Variants in CTNND2 observed in about 807,000 individuals in gnomAD.
CTNND2 encodes the protein catenin delta-2.
CTNND2 carries 22 observed loss-of-function variants against 144.4 expected under a neutral mutation model. The observed-to-expected ratio is 0.15, with a 90% CI of 0.11 to 0.22. The LOEUF (loss-of-function observed/expected upper bound fraction) is 0.22, where lower values mean the gene tolerates loss of function less well. Among genes scored for constraint, CTNND2 ranks in the 10% least tolerant of loss-of-function variants. The pLI is 1.00. For synonymous variants in CTNND2, 751 were observed against 695.6 expected (o/e 1.08, Z -1.25); for missense variants, 1,353 against 1,618.8 (o/e 0.84, Z 2.82).
At chr5:11,571,520 C>T (rs1211690189) in intron 2 of CTNND2, among the ~76,000 whole-genome samples, 3 of 152,206 alleles carry the variant, frequency 2.0e-5, no homozygotes, top group South Asian at 2.1e-4. Flanking sequence ...GTGGTCCCTG[C>T]GTCAAGAGAA....
intron 9 of CTNND2, among the ~76,000 whole-genome samples, chr5:11,296,948 C>A (rs1580828058): frequency 6.6e-6 from 1 of 152,086 alleles, no homozygotes. Context: ...CAAACCTGCA[C>A]GTTGTGCACA....
chr5:11,686,063 G>A (rs1356340653), intron 2 of CTNND2, among the ~76,000 whole-genome samples: 1 of 152,142 alleles, frequency 6.6e-6, no homozygotes, highest in Non-Finnish European at 1.5e-5. Context: ...AAAATTAGCT[G>A]GGTATGGTGA....
At chr5:11,074,648 C>T (rs983535995) in intron 16 of CTNND2, among the ~76,000 whole-genome samples, 5 of 152,038 alleles carry the variant, frequency 3.3e-5, no homozygotes, top group Admixed American at 1.3e-4. Flanking sequence ...ATTGATATAA[C>T]GAAGATTTTC....
At chr5:11,847,865 T>C (rs1794821248) in intron 1 of CTNND2, among the ~76,000 whole-genome samples, 2 of 152,128 alleles carry the variant, frequency 1.3e-5, no homozygotes, top group Admixed American at 1.3e-4. Flanking sequence ...TGACAACATA[T>C]CTACAGATAT....
chr5:11,235,579 G>A (rs1741535660), intron 10 of CTNND2, among the ~76,000 whole-genome samples: 1 of 152,110 alleles, frequency 6.6e-6, no homozygotes. Flanking sequence ...GCACTTTCTG[G>A]GATGTTTGGC....
chr5:11,832,425 A>T (rs1382090965), intron 1 of CTNND2, among the ~76,000 whole-genome samples: 1 of 152,354 alleles, frequency 6.6e-6, no homozygotes, highest in South Asian at 2.1e-4. Context: ...GAGCTAGGAA[A>T]AAAACAAAAA....
intron 2 of CTNND2, among the ~76,000 whole-genome samples, chr5:11,638,055 T>G (rs1781806094): frequency 1.3e-5 from 2 of 152,162 alleles, no homozygotes; most frequent in South Asian, 2.1e-4. Flanking sequence ...AGCTTCAGAT[T>G]TATTAGTTTT....
At chr5:11,582,528 G>A (rs1477948231) in intron 2 of CTNND2, among the ~76,000 whole-genome samples, 2 of 152,202 alleles carry the variant, frequency 1.3e-5, no homozygotes, top group African/African-American at 4.8e-5. Context: ...ATCAAGCACA[G>A]TGAAGTAACA....
chr5:11,032,569 G>C (rs1466960106), intron 16 of CTNND2, among the ~76,000 whole-genome samples: 1 of 152,134 alleles, frequency 6.6e-6, no homozygotes, highest in African/African-American at 2.4e-5. Flanking sequence ...TGTTAATGTG[G>C]GAAAAGTCTC....
chr5:10,988,170 C>T lies in CTNND2; in HGVS notation c.3284G>A (p.Ser1095Asn). The change falls in exon 20 of 22, where the codon AGC (serine) becomes AAC (asparagine). Residue 1095 changes from serine to asparagine, a missense_variant. By Grantham distance (46) the Ser-to-Asn change is conservative. Coordinates refer to ENST00000304623, the MANE Select transcript of CTNND2 (RefSeq NM_001332.4). The surrounding 1 kb of genome is among the most constrained non-coding windows in gnomAD (Gnocchi z 5.9). ...ERKTDYECTG[S>N]NATYHGAKGE... ...TTTAGCTCCGTGGTAGGTGGCGTTG[C>T]TGCCGGTGCACTCGTAGTCTGTTTT... 1 of 1,614,212 alleles carries T rather than the reference C, an allele frequency of 6.2e-7. No homozygotes were observed. The highest frequency in any genetic ancestry group is 8.5e-7 in the Non-Finnish European group (1 of 1,180,044).
At chr5:11,338,221 T>C (rs1176705036) in intron 9 of CTNND2, among the ~76,000 whole-genome samples, 1 of 152,196 alleles carries the variant, frequency 6.6e-6, no homozygotes, top group African/African-American at 2.4e-5. Context: ...CTGCTATATG[T>C]TGGCTCTAGC....
chr5:11,258,629 GT>G (rs1339490551), intron 9 of CTNND2, among the ~76,000 whole-genome samples: 2 of 151,984 alleles, frequency 1.3e-5, no homozygotes, highest in Non-Finnish European at 2.9e-5. Context: ...TTATGTGTGC[GT>G]TTTTTTCAAT....
intron 11 of CTNND2, among the ~76,000 whole-genome samples, chr5:11,173,440 A>G (rs1008115495): frequency 2.0e-5 from 3 of 152,226 alleles, no homozygotes; most frequent in Non-Finnish European, 2.9e-5. Flanking sequence ...GAGTCCCTGC[A>G]TTGGATTCTG....
At chr5:11,799,224 G>A (rs921507598) in intron 1 of CTNND2, among the ~76,000 whole-genome samples, 5 of 152,244 alleles carry the variant, frequency 3.3e-5, no homozygotes, top group Middle Eastern at 3.4e-3. Context: ...GGTGCTTCAT[G>A]ACCATTTTCT....
intron 7 of CTNND2, among the ~76,000 whole-genome samples, chr5:11,377,053 T>TC (rs1465195450): frequency 1.7e-5 from 2 of 116,872 alleles, no homozygotes; most frequent in South Asian, 2.6e-4. Flanking sequence ...TGTTTTTGTC[T>TC]CCTTTTTTTT....
intron 15 of CTNND2, among the ~76,000 whole-genome samples, chr5:11,089,442 C>A (rs1750531186): frequency 6.6e-6 from 1 of 152,182 alleles, no homozygotes; most frequent in Non-Finnish European, 1.5e-5. Context: ...TTTGTAGACA[C>A]TTTGTTTACA....
chr5:11,443,310 GGTGT>G (rs1226360190), intron 3 of CTNND2, among the ~76,000 whole-genome samples: 1 of 90,710 alleles, frequency 1.1e-5, no homozygotes, highest in Non-Finnish European at 2.1e-5. Flanking sequence ...GCATGTGTGT[GGTGT>G]GTGTGCATGT....
chr5:11,618,436 G>A (rs1345526078), intron 2 of CTNND2, among the ~76,000 whole-genome samples: 1 of 152,096 alleles, frequency 6.6e-6, no homozygotes, highest in Non-Finnish European at 1.5e-5. Context: ...AAAACTTCTG[G>A]CCACTTGTGT....
chr5:11,600,526 T>C (rs1779732313), intron 2 of CTNND2, among the ~76,000 whole-genome samples: 1 of 151,628 alleles, frequency 6.6e-6, no homozygotes, highest in African/African-American at 2.4e-5. Flanking sequence ...ACCAACATAG[T>C]GAAACCCCAT....
Sources: allele counts gnomAD v4.1 joint callset (sites outside exome capture counted in the v4.1 genomes callset), GRCh38; gene constraint gnomAD v4.1.1; non-coding constraint Gnocchi (gnomAD v3.1); transcripts MANE v1.5; gene names NCBI Gene and HGNC (gene_info 2026-07-23, HGNC 2026-07-21).